The following THTPA variants were observed in gnomAD, a reference collection of about 807,000 sequenced individuals.
THTPA encodes thiamine-triphosphatase.
THTPA carries 16 observed loss-of-function variants against 16.5 expected under a neutral mutation model. The observed-to-expected ratio is 0.97, with a 90% CI of 0.66 to 1.47. The LOEUF is 1.47. THTPA is among the 40% of genes most tolerant of loss of function. The pLI is 0.00. For missense variants in THTPA, 281 were observed against 280.9 expected (o/e 1.00, Z 0.00); for synonymous variants, 110 against 115.5 (o/e 0.95, Z 0.30).
the THTPA span, chr14:23,533,909 G>A: frequency 3.3e-6 from 5 of 1,537,898 alleles, no homozygotes; most frequent in Non-Finnish European, 4.4e-6. The surrounding 1 kb of genome is among the most constrained non-coding windows in gnomAD (Gnocchi z 4.8). Context: ...TGCTTCTCTC[G>A]CATGTGCACA....
the THTPA span, chr14:23,535,403 T>C: frequency 2.8e-6 from 4 of 1,409,908 alleles, no homozygotes; most frequent in Non-Finnish European, 3.7e-6. This position sits in a 1 kb window ranked among gnomAD's most constrained non-coding sequence, Gnocchi z 4.5. Flanking sequence ...AGAGCAGTGC[T>C]GTGAGGCTGC....
chr14:23,540,202 G>T, the THTPA span, among the ~76,000 whole-genome samples: 1 of 152,114 alleles, frequency 6.6e-6, no homozygotes, highest in African/African-American at 2.4e-5. Flanking sequence ...TGTTGCCCAG[G>T]CTGGTCTCAG....
intron 1 of THTPA, 85 bp from the exon 2 acceptor site, chr14:23,558,610 G>A (rs1320123612): frequency 2.3e-5 from 36 of 1,554,988 alleles, no homozygotes; most frequent in Non-Finnish European, 2.8e-5. Flanking sequence ...AAACATCCAC[G>A]GAGTCCTGGC....
the THTPA span, among the ~76,000 whole-genome samples, chr14:23,537,022 C>T: frequency 2.0e-5 from 3 of 152,076 alleles, no homozygotes; most frequent in South Asian, 2.1e-4. Context: ...TGCCTGTAAT[C>T]CCAGCTACTC....
the THTPA span, among the ~76,000 whole-genome samples, chr14:23,536,866 G>A: frequency 8.5e-5 from 13 of 152,200 alleles, no homozygotes; most frequent in African/African-American, 2.4e-4. Context: ...GTCTGGGCAC[G>A]GTGGCTCACA....
chr14:23,544,718 G>A, the THTPA span, among the ~76,000 whole-genome samples: 4 of 152,286 alleles, frequency 2.6e-5, no homozygotes, highest in East Asian at 3.9e-4. Context: ...TTACACTCTC[G>A]CTGCCTCTAA....
chr14:23,535,129 C>T, the THTPA span: 3 of 1,536,024 alleles, frequency 2.0e-6, no homozygotes, highest in East Asian at 7.3e-5. This position sits in a 1 kb window ranked among gnomAD's most constrained non-coding sequence, Gnocchi z 4.5. Context: ...TGGGACGAGG[C>T]CACAGCCCGA....
the THTPA span, chr14:23,523,146 A>G: frequency 1.4e-5 from 19 of 1,405,050 alleles, no homozygotes; most frequent in African/African-American, 2.9e-5. This position sits in a 1 kb window ranked among gnomAD's most constrained non-coding sequence, Gnocchi z 4.1. Context: ...AAGGAAGGGC[A>G]TGTCATTAGA....
the THTPA span, among the ~76,000 whole-genome samples, chr14:23,512,226 A>G: frequency 5.9e-5 from 9 of 152,174 alleles, no homozygotes; most frequent in South Asian, 1.9e-3. Context: ...ACAGGGAGAA[A>G]TAGCAGAGGT....
the THTPA span, chr14:23,527,052 C>A: frequency 1.4e-6 from 2 of 1,416,782 alleles, no homozygotes; most frequent in Non-Finnish European, 1.8e-6. Flanking sequence ...CTGCCCTACA[C>A]CTGTACTTGT....
chr14:23,545,690 A>G, the THTPA span, among the ~76,000 whole-genome samples: 1 of 152,238 alleles, frequency 6.6e-6, no homozygotes, highest in Non-Finnish European at 1.5e-5. Context: ...GAAGAAAGGC[A>G]TCTGTGGCCC....
the THTPA span, among the ~76,000 whole-genome samples, chr14:23,520,375 C>T: frequency 7.1e-6 from 1 of 140,956 alleles, no homozygotes; most frequent in Non-Finnish European, 1.6e-5. The surrounding 1 kb of genome is among the most constrained non-coding windows in gnomAD (Gnocchi z 8.7). Flanking sequence ...GAACAAGGGA[C>T]CCAGCAAAGG....
At chr14:23,536,190 C>T in the THTPA span, among the ~76,000 whole-genome samples, 3 of 152,312 alleles carry the variant, frequency 2.0e-5, no homozygotes, top group Admixed American at 1.3e-4. Context: ...TCCACTACTG[C>T]CCGCTACAGT....
At chr14:23,523,007 G>A in the THTPA span, 2 of 1,422,012 alleles carry the variant, frequency 1.4e-6, no homozygotes, top group Admixed American at 3.0e-5. The surrounding 1 kb of genome is among the most constrained non-coding windows in gnomAD (Gnocchi z 4.1). Flanking sequence ...CCTGCCATAG[G>A]CCACCTCCAG....
chr14:23,527,104 A>G, the THTPA span: 1 of 1,330,610 alleles, frequency 7.5e-7, no homozygotes, highest in Non-Finnish European at 9.7e-7. Context: ...TGTCTGAACA[A>G]ACCTCCCACC....
chr14:23,528,535 G>T, the THTPA span: 1 of 906,392 alleles, frequency 1.1e-6, no homozygotes, highest in Non-Finnish European at 1.3e-6. Context: ...TCTGTGAAAT[G>T]GTTCCATTTC....
At chr14:23,558,584 C>T (rs1234917102) in intron 1 of THTPA, 111 bp from the exon 2 acceptor site, 9 of 1,395,518 alleles carry the variant, frequency 6.4e-6, no homozygotes, top group Non-Finnish European at 8.9e-6. Context: ...CATTCAGAAC[C>T]CCAGTGTGGC....
chr14:23,533,046 T>G, the THTPA span: 8 of 1,534,458 alleles, frequency 5.2e-6, no homozygotes, highest in Non-Finnish European at 7.0e-6. The surrounding 1 kb of genome is among the most constrained non-coding windows in gnomAD (Gnocchi z 4.8). Context: ...AGGAGCTGAC[T>G]TGGAGGCAGG....
the THTPA span, among the ~76,000 whole-genome samples, chr14:23,520,284 A>G: frequency 6.6e-6 from 1 of 151,686 alleles, no homozygotes; most frequent in Non-Finnish European, 1.5e-5. The surrounding 1 kb of genome is among the most constrained non-coding windows in gnomAD (Gnocchi z 8.7). Context: ...TGCTTAACGG[A>G]GAAGCTGGGC....
Sources: allele counts gnomAD v4.1 joint callset (sites outside exome capture counted in the v4.1 genomes callset), GRCh38; gene constraint gnomAD v4.1.1; non-coding constraint Gnocchi (gnomAD v3.1); transcripts MANE v1.5; gene names NCBI Gene and HGNC (gene_info 2026-07-23, HGNC 2026-07-21).